ARHGAP42: variants seen among roughly 807,000 people sequenced by gnomAD.
The protein encoded by ARHGAP42 is Rho GTPase activating protein 42.
Under a neutral mutation model 125.0 loss-of-function variants are expected in ARHGAP42, and 63 were observed. That is an observed-to-expected ratio of 0.50 (90% CI 0.41 to 0.62). The LOEUF (loss-of-function observed/expected upper bound fraction) is 0.62, where lower values mean the gene tolerates loss of function less well. Among genes scored for constraint, ARHGAP42 ranks in the 20% least tolerant of loss-of-function variants. ARHGAP42 has a pLI of 0.00. For synonymous variants in ARHGAP42, 339 were observed against 351.0 expected, an observed-to-expected ratio of 0.97 and a Z score of 0.38; for missense variants, 766 against 1,024.2, an observed-to-expected ratio of 0.75 and a Z score of 3.44.
chr11:100,769,530 T>C (rs1565206209), intron 1 of ARHGAP42, among the ~76,000 whole-genome samples: 1 of 152,124 alleles, frequency 6.6e-6, no homozygotes, highest in Non-Finnish European at 1.5e-5. Flanking sequence ...TTAACTTGAG[T>C]CTCAAAGTTA....
chr11:100,687,595 C>T lies in ARHGAP42; in HGVS notation c.-84C>T. Reference sequence around the variant, plus strand: ...CGCCTTCCCCGCGATCGCGCGACCCCAGCGCCCGCCGCGGCCGCCGGCTGC... The same window carrying T: ...CGCCTTCCCCGCGATCGCGCGACCCTAGCGCCCGCCGCGGCCGCCGGCTGC... On this transcript the variant is annotated 5_prime_UTR_variant, in exon 1 of 24. Transcript: ENST00000298815. The T allele has an allele frequency of 1.8e-6, 2 of 1,123,298 alleles. No homozygotes were observed. The highest frequency in any genetic ancestry group is 2.2e-6 in the Non-Finnish European group (2 of 903,518). 69.6% of individuals were successfully genotyped at this position (1,123,298 alleles called of 1,614,324 possible). A position where few individuals can be genotyped will look rare whatever the true frequency, so the allele number is the denominator to read the frequency against.
At chr11:100,792,022 T>C (rs1863579905) in intron 2 of ARHGAP42, among the ~76,000 whole-genome samples, 1 of 152,180 alleles carries the variant, frequency 6.6e-6, no homozygotes, top group African/African-American at 2.4e-5. Context: ...GCTCTTGAGG[T>C]AGGAGGTACC....
intron 1 of ARHGAP42, among the ~76,000 whole-genome samples, chr11:100,738,032 AAAG>A (rs1862103584): frequency 6.6e-6 from 1 of 152,008 alleles, no homozygotes. Flanking sequence ...CTAAATGTCA[AAAG>A]AAGACTTTAT....
intron 1 of ARHGAP42, among the ~76,000 whole-genome samples, chr11:100,728,714 GTATATATATATATATATA>G (rs57293905): frequency 1.2e-3 from 81 of 70,402 alleles, no homozygotes; most frequent in South Asian, 7.2e-3. Context: ...ATGACTTTGC[GTATATATATATATATATA>G]TATATATATA....
At chr11:100,814,767 C>A (rs1312852123) in intron 3 of ARHGAP42, among the ~76,000 whole-genome samples, 1 of 152,200 alleles carries the variant, frequency 6.6e-6, no homozygotes, top group Non-Finnish European at 1.5e-5. Flanking sequence ...CTAAGCTATT[C>A]TTGAAGGATC....
intron 4 of ARHGAP42, among the ~76,000 whole-genome samples, chr11:100,861,276 A>G (rs1403071392): frequency 6.6e-6 from 1 of 152,206 alleles, no homozygotes; most frequent in Non-Finnish European, 1.5e-5. Context: ...AGAGCCTGGC[A>G]TTTTAGTGGA....
intron 12 of ARHGAP42, among the ~76,000 whole-genome samples, chr11:100,955,342 T>C (rs887134810): frequency 6.6e-6 from 1 of 152,164 alleles, no homozygotes; most frequent in Non-Finnish European, 1.5e-5. Flanking sequence ...ATCATTAATG[T>C]TATAGAATTC....
chr11:100,880,141 G>A (rs562090723), intron 4 of ARHGAP42, among the ~76,000 whole-genome samples: 73 of 152,248 alleles, frequency 4.8e-4, no homozygotes, highest in African/African-American at 1.6e-3. Context: ...TGAACAGGTG[G>A]TGTTTGGTTA....
chr11:100,740,183 T>C (rs1752974544), intron 1 of ARHGAP42, among the ~76,000 whole-genome samples: 1 of 152,082 alleles, frequency 6.6e-6, no homozygotes, highest in African/African-American at 2.4e-5. Flanking sequence ...GCTAAGACCT[T>C]TAGATTCTCT....
At chr11:100,936,462 C>A (rs1867741798) in intron 8 of ARHGAP42, 130 bp downstream of exon 8, 3 of 1,246,216 alleles carry the variant, frequency 2.4e-6, no homozygotes, top group East Asian at 5.2e-5. Flanking sequence ...ACTTTCCCCC[C>A]ACCACAACCA....
chr11:100,769,712 C>CTTTTTT (rs140626690), intron 1 of ARHGAP42, among the ~76,000 whole-genome samples: 2 of 78,092 alleles, frequency 2.6e-5, no homozygotes, highest in Admixed American at 1.9e-4. Flanking sequence ...AGCATTCCTT[C>CTTTTTT]TTTTTTTTTT....
chr11:100,709,408 G>A (rs146812533), intron 1 of ARHGAP42, among the ~76,000 whole-genome samples: 3 of 152,306 alleles, frequency 2.0e-5, no homozygotes, highest in Non-Finnish European at 4.4e-5. Flanking sequence ...TGACAGATGG[G>A]TAGGTAGGAT....
chr11:100,790,362 AGT>A (rs1863537161), intron 2 of ARHGAP42, among the ~76,000 whole-genome samples: 1 of 152,140 alleles, frequency 6.6e-6, no homozygotes, highest in African/African-American at 2.4e-5. Context: ...TTGTTCTGAA[AGT>A]GTTTTTCCAA....
Position 100,899,651 on chromosome 11 carries a change from C to T in ARHGAP42, c.385-13801C>T, listed in dbSNP as rs533335372. On this transcript the variant is annotated intron_variant, in intron 4 of 23. Transcript: ENST00000298815. ...GGTTTAAAGTCTGTTTTATCAGAGA[C>T]TAGGATTGTAGTCCCTGCTTTTTGT... Among the ~76,000 whole-genome samples the T allele has an allele frequency of 1.1e-4, 17 of 149,046 alleles. No individual in the cohort carries two copies. The South Asian group carries it at 1.3e-3, about 11-fold the overall frequency.
At chr11:100,781,343 G>T (rs993968844) in intron 2 of ARHGAP42, among the ~76,000 whole-genome samples, 6 of 151,794 alleles carry the variant, frequency 4.0e-5, no homozygotes, top group Non-Finnish European at 8.8e-5. Context: ...TGTTGGCTTG[G>T]TTTCCCAAAT....
intron 1 of ARHGAP42, among the ~76,000 whole-genome samples, chr11:100,753,379 C>T (rs950689533): frequency 6.6e-6 from 1 of 152,156 alleles, no homozygotes; most frequent in Admixed American, 6.5e-5. Flanking sequence ...TGCCCCAGGC[C>T]GTCATTCTTT....
At chr11:100,748,079 G>A (rs942006060) in intron 1 of ARHGAP42, among the ~76,000 whole-genome samples, 7 of 151,602 alleles carry the variant, frequency 4.6e-5, no homozygotes, top group Non-Finnish European at 1.5e-5. Flanking sequence ...AGGATTAGAA[G>A]TTAGGATAAT....
intron 3 of ARHGAP42, among the ~76,000 whole-genome samples, chr11:100,796,291 T>C (rs2135034804): frequency 6.6e-6 from 1 of 152,356 alleles, no homozygotes; most frequent in East Asian, 1.9e-4. Context: ...CAAATAAGAC[T>C]GTGAACATAA....
chr11:100,798,697 T>A (rs1455187516), intron 3 of ARHGAP42, among the ~76,000 whole-genome samples: 1 of 148,048 alleles, frequency 6.8e-6, no homozygotes, highest in Non-Finnish European at 1.5e-5. Context: ...TTTATATATT[T>A]TATTTATATT....
Sources: allele counts gnomAD v4.1 joint callset (sites outside exome capture counted in the v4.1 genomes callset), GRCh38; gene constraint gnomAD v4.1.1; transcripts MANE v1.5; gene names NCBI Gene and HGNC (gene_info 2026-07-23, HGNC 2026-07-21).